The following ALDH2 variants were observed in gnomAD, a reference collection of about 807,000 sequenced individuals.
ALDH2 encodes the protein aldehyde dehydrogenase, mitochondrial.
ALDH2 carries 44 observed loss-of-function variants against 59.6 expected under a neutral mutation model. The ratio of observed to expected loss-of-function variants is 0.74; its 90% CI spans 0.58 to 0.95. ALDH2 has a LOEUF of 0.95. Among genes scored for constraint, ALDH2 ranks in the 40% least tolerant of loss-of-function variants. The pLI, the probability that ALDH2 is intolerant of heterozygous loss-of-function variation, is 0.00. For synonymous variants in ALDH2, 291 were observed against 284.0 expected (o/e 1.02, Z -0.25); for missense variants, 570 against 696.3 (o/e 0.82, Z 2.04).
At chr12:111,784,757 G>A (rs2068297686) in intron 3 of ALDH2, among the ~76,000 whole-genome samples, 1 of 152,144 alleles carries the variant, frequency 6.6e-6, no homozygotes, top group Admixed American at 6.6e-5. Flanking sequence ...TGGGATTACA[G>A]GTGTGCACCA....
rs1234548664 is a variant in ALDH2 at position 111,817,166 on chromosome 12, T to C, written c.*7591T>C. 1 of 152,248 alleles carries C rather than the reference T, an allele frequency of 6.6e-6. No individual in the cohort carries two copies. Among genetic ancestry groups the C allele is most frequent in the Non-Finnish European group, 1.5e-5 (1 of 68,048 alleles). 9.4% of individuals were successfully genotyped at this position (152,248 alleles called of 1,614,324 possible). A position where few individuals can be genotyped will look rare whatever the true frequency, so the allele number is the denominator to read the frequency against. On this transcript the variant is annotated 3_prime_UTR_variant, in exon 13 of 13. Coordinates refer to ENST00000261733, the MANE Select transcript of ALDH2 (RefSeq NM_000690.4). Reference sequence around the variant, plus strand: ...TCCAGTTTTCCATGTACTGAGTTGTTTGAATAGAACTATGCAAAGCTACAG... The same window carrying C: ...TCCAGTTTTCCATGTACTGAGTTGTCTGAATAGAACTATGCAAAGCTACAG...
chr12:111,801,858 C>G (rs2068453953), intron 11 of ALDH2, among the ~76,000 whole-genome samples: 1 of 152,042 alleles, frequency 6.6e-6, no homozygotes, highest in African/African-American at 2.4e-5. Flanking sequence ...CTCCTGGGCA[C>G]AGGGCTTCTT....
chr12:111,806,897 A>C (rs957399882), intron 12 of ALDH2, among the ~76,000 whole-genome samples: 1 of 151,310 alleles, frequency 6.6e-6, no homozygotes, highest in African/African-American at 2.4e-5. Context: ...TGAACCCGGG[A>C]GGTGGAGGTT....
At chr12:111,806,893 C>T (rs1031619329) in intron 12 of ALDH2, among the ~76,000 whole-genome samples, 3 of 151,722 alleles carry the variant, frequency 2.0e-5, no homozygotes, top group African/African-American at 4.8e-5. Flanking sequence ...TGCCTGAACC[C>T]GGGAGGTGGA....
At chr12:111,776,520 G>A (rs988904025) in intron 1 of ALDH2, among the ~76,000 whole-genome samples, 3 of 151,970 alleles carry the variant, frequency 2.0e-5, no homozygotes, top group Non-Finnish European at 4.4e-5. Context: ...CAGCACTTTA[G>A]GAGTCCAAGG....
intron 12 of ALDH2, among the ~76,000 whole-genome samples, chr12:111,804,958 C>T (rs551597440): frequency 3.0e-4 from 45 of 152,074 alleles, no homozygotes; most frequent in African/African-American, 8.9e-4. Context: ...ACAAAGAAAG[C>T]GTTCCTTCCA....
At chr12:111,784,612 TTTATTA>T (rs933291504) in intron 3 of ALDH2, among the ~76,000 whole-genome samples, 1 of 152,098 alleles carries the variant, frequency 6.6e-6, no homozygotes, top group Admixed American at 6.6e-5. Context: ...TTAGCATTCT[TTTATTA>T]TTATTATTAT....
rs2068364016 is a variant in ALDH2, at chr12:111,792,055, C to G, written c.796-6C>G. 6.9e-6 allele frequency: 11 copies of G among 1,597,360 alleles called. No individual in the cohort carries two copies. Among genetic ancestry groups the G allele is most frequent in the Non-Finnish European group, 8.6e-6 (10 of 1,165,578 alleles). On this transcript the variant is annotated splice_polypyrimidine_tract_variant and splice_region_variant and intron_variant, in intron 7 of 12. Transcript: ENST00000261733. Reference sequence around the variant, plus strand: ...AGAGCTTGTTCCTGTCTTTCTGTCCCCACAGATTGGCCGCGTAATCCAGGT... The same window carrying G: ...AGAGCTTGTTCCTGTCTTTCTGTCCGCACAGATTGGCCGCGTAATCCAGGT...
chr12:111,790,615 C>T, intron 6 of ALDH2, 53 bp downstream of exon 6: 1 of 1,610,904 alleles, frequency 6.2e-7, no homozygotes, highest in Non-Finnish European at 8.5e-7. Flanking sequence ...GAGGCTTGTT[C>T]TAAAGGAGTT....
In ALDH2 at chr12:111,766,992, G is replaced by A. The variant is rs2068162511; in HGVS notation, c.10G>A (p.Ala4Thr). The change falls in exon 1 of 13, where the codon GCT becomes ACT. Residue 4 changes from alanine (A) to threonine (T), a missense_variant. By Grantham distance (58) the Ala-to-Thr change is moderately conservative. Transcript: ENST00000261733. MLR[A>T]AARFGPRLGR... is the part of the protein sequence containing the mutation. ...CCGCTAGCCCGCTGCGATGTTGCGC[G>A]CTGCCGCCCGCTTCGGGCCCCGCCT... 1 of 1,521,350 alleles carries A rather than the reference G, an allele frequency of 6.6e-7. No individual in the cohort carries two copies. Among genetic ancestry groups the A allele is most frequent in the Non-Finnish European group, 8.8e-7 (1 of 1,141,130 alleles). The allele number at this position is 1,521,350 out of a possible 1,614,324, so 94.2% of individuals were successfully genotyped here.
At chr12:111,785,136 G>C in intron 3 of ALDH2, 131 bp from the exon 4 acceptor site, 1 of 754,502 alleles carries the variant, frequency 1.3e-6, no homozygotes. Flanking sequence ...GTGACATTTG[G>C]GGCACAAAGC....
At chr12:111,801,450 G>A (rs930177408) in intron 11 of ALDH2, among the ~76,000 whole-genome samples, 5 of 152,272 alleles carry the variant, frequency 3.3e-5, no homozygotes, top group South Asian at 2.1e-4. Flanking sequence ...TGTAATCCCA[G>A]CACTTTGGGA....
intron 4 of ALDH2, among the ~76,000 whole-genome samples, chr12:111,789,446 C>T (rs547832297): frequency 6.8e-6 from 1 of 147,634 alleles, no homozygotes; most frequent in Non-Finnish European, 1.5e-5. Flanking sequence ...GAGCCCAGAT[C>T]ACACCACTGC....
In ALDH2 at chr12:111,792,750, C is replaced by T. The variant is rs2068372864; in HGVS notation, c.1051C>T (p.Pro351Ser). The change falls in exon 9 of 13, where the codon CCC becomes TCC. Residue 351 changes from proline to serine, a missense_variant. Transcript: ENST00000261733. ...ARAKSRVVGNPFDSKTEQGPQ... is the reference protein window; with the variant it reads ...ARAKSRVVGNSFDSKTEQGPQ... ...GGCCAAGTCTCGGGTGGTCGGGAACCCCTTTGATAGCAAGACCGAGCAGGG... is the reference window on the plus strand; with the variant it reads ...GGCCAAGTCTCGGGTGGTCGGGAACTCCTTTGATAGCAAGACCGAGCAGGG... The T allele has an allele frequency of 3.2e-6, 5 of 1,559,970 alleles. No homozygotes were observed. The highest frequency in any genetic ancestry group is 2.6e-6 in the Non-Finnish European group (3 of 1,152,740).
chr12:111,806,247 G>A (rs2068493239), intron 12 of ALDH2, among the ~76,000 whole-genome samples: 1 of 151,814 alleles, frequency 6.6e-6, no homozygotes, highest in Non-Finnish European at 1.5e-5. Context: ...AACCCAGTGG[G>A]TGGAGCTTGC....
At chr12:111,769,538 AAGAG>A (rs143486935) in intron 1 of ALDH2, among the ~76,000 whole-genome samples, 10 of 150,112 alleles carry the variant, frequency 6.7e-5, no homozygotes, top group Admixed American at 2.7e-4. Context: ...TGCCTGCAGC[AAGAG>A]AGAGAGAGAG....
At chr12:111,788,391 A>G (rs2068329578) in intron 4 of ALDH2, among the ~76,000 whole-genome samples, 1 of 152,156 alleles carries the variant, frequency 6.6e-6, no homozygotes, top group African/African-American at 2.4e-5. Context: ...GCTGCTCAAC[A>G]TCGTACAATG....
intron 12 of ALDH2, 80 bp downstream of exon 12, chr12:111,804,053 TG>T: frequency 1.5e-6 from 1 of 679,240 alleles, no homozygotes. Flanking sequence ...GCTGGGGGAT[TG>T]GGGTCTGTTG....
intron 12 of ALDH2, among the ~76,000 whole-genome samples, chr12:111,804,949 C>T (rs1307189985): frequency 6.6e-6 from 1 of 152,094 alleles, no homozygotes; most frequent in Non-Finnish European, 1.5e-5. Flanking sequence ...ATCAGAAATA[C>T]AAAGAAAGCG....
Sources: gnomAD v4.1 joint callset for allele counts (sites outside exome capture counted in the v4.1 genomes callset) on GRCh38, gnomAD v4.1.1 for gene constraint, MANE v1.5 for transcripts, NCBI Gene and HGNC (gene_info 2026-07-23, HGNC 2026-07-21) for gene names.